Variants in DNMBP observed in about 807,000 individuals in gnomAD.
DNMBP encodes dynamin binding protein, also known as dynamin-binding protein.
Under a neutral mutation model 150.0 loss-of-function variants are expected in DNMBP, and 87 were observed. The ratio of observed to expected loss-of-function variants is 0.58; its 90% CI spans 0.49 to 0.69. DNMBP has a LOEUF of 0.69. DNMBP is among the 30% of genes least tolerant of loss of function. DNMBP has a pLI of 0.00. For missense variants in DNMBP, 1,774 were observed against 1,949.0 expected, an observed-to-expected ratio of 0.91 and a Z score of 1.69; for synonymous variants, 711 against 750.4, an observed-to-expected ratio of 0.95 and a Z score of 0.86.
intron 5 of DNMBP, 140 bp from the exon 6 acceptor site, chr10:99,908,234 C>T (rs2039851117): frequency 3.1e-6 from 2 of 637,792 alleles, no homozygotes; most frequent in Non-Finnish European, 5.5e-6. Context: ...AGTTTCCAGA[C>T]TAGAAATATC....
chr10:99,949,362 A>T (rs1228020082), intron 4 of DNMBP, among the ~76,000 whole-genome samples: 1 of 152,236 alleles, frequency 6.6e-6, no homozygotes, highest in South Asian at 2.1e-4. Context: ...TCAGAATTAG[A>T]TAAATGTTAT....
intron 4 of DNMBP, among the ~76,000 whole-genome samples, chr10:99,941,837 T>C (rs1214291221): frequency 6.6e-6 from 1 of 152,212 alleles, no homozygotes; most frequent in African/African-American, 2.4e-5. Flanking sequence ...CAAAATATGC[T>C]GAGAGCTGAG....
At chr10:99,937,433 T>C (rs1281894663) in intron 4 of DNMBP, among the ~76,000 whole-genome samples, 1 of 152,120 alleles carries the variant, frequency 6.6e-6, no homozygotes, top group Non-Finnish European at 1.5e-5. Flanking sequence ...AAAGAAACAA[T>C]CTGCGAGTGT....
chr10:99,994,349 A>C (rs75772104), intron 1 of DNMBP, among the ~76,000 whole-genome samples: 5 of 152,210 alleles, frequency 3.3e-5, no homozygotes, highest in African/African-American at 1.2e-4. Context: ...CAAATGGTAC[A>C]TACAGTACTC....
chr10:99,951,188 T>G (rs1211635434), intron 4 of DNMBP, among the ~76,000 whole-genome samples: 3 of 152,128 alleles, frequency 2.0e-5, no homozygotes, highest in Non-Finnish European at 4.4e-5. Context: ...AGCCTGCGGG[T>G]GCACAGAAGA....
intron 4 of DNMBP, 132 bp from the exon 5 acceptor site, chr10:99,909,278 G>T (rs1037815748): frequency 1.4e-6 from 1 of 690,834 alleles, no homozygotes; most frequent in Non-Finnish European, 2.4e-6. Flanking sequence ...AAATCAGATC[G>T]CACATGTCAG....
At chr10:99,980,956 AG>A (rs1004508141) in intron 1 of DNMBP, among the ~76,000 whole-genome samples, 10 of 152,300 alleles carry the variant, frequency 6.6e-5, no homozygotes, top group African/African-American at 1.7e-4. Flanking sequence ...ATAGGGAGTT[AG>A]TATGTAATGG....
chr10:99,902,906 CAG>C (rs988636556), intron 6 of DNMBP, among the ~76,000 whole-genome samples: 2 of 148,904 alleles, frequency 1.3e-5, no homozygotes, highest in African/African-American at 5.0e-5. Context: ...CCAGCCTGGG[CAG>C]AGAGCAAGAT....
intron 11 of DNMBP, among the ~76,000 whole-genome samples, chr10:99,890,744 T>A (rs1252027549): frequency 6.6e-6 from 1 of 152,132 alleles, no homozygotes; most frequent in African/African-American, 2.4e-5. Context: ...CCTCCCGGCG[T>A]CAAGCAATTC....
At position 99,972,308 on chromosome 10, in the gene DNMBP, C is replaced by T. The variant is rs983199066; in HGVS notation, c.-10-174G>A. Among the ~76,000 whole-genome samples, 19 of 151,648 alleles carry T rather than the reference C, an allele frequency of 1.3e-4. No individual in the cohort carries two copies. The East Asian group carries it at 2.5e-3, about 20-fold the overall frequency. ...TTTTGAGACAGGGTCTCACTCCCAT[C>T]GCCCAGGCTGGAGTGCAGTGGAGCA... On this transcript the variant is annotated intron_variant, in intron 1 of 16. Transcript: ENST00000324109.
chr10:99,946,514 A>C (rs7074019), intron 4 of DNMBP, among the ~76,000 whole-genome samples: 70,802 of 152,010 alleles, frequency 0.47, 17,468 homozygotes, highest in African/African-American at 0.63. Context: ...CAATGGGGAA[A>C]GAATTCTCTA....
intron 4 of DNMBP, among the ~76,000 whole-genome samples, chr10:99,938,774 GAA>G (rs1417236891): frequency 6.6e-6 from 1 of 152,194 alleles, no homozygotes; most frequent in Non-Finnish European, 1.5e-5. Context: ...TGTGTACAGA[GAA>G]AGTGGCCGAG....
intron 8 of DNMBP, 83 bp from the exon 9 acceptor site, chr10:99,898,368 A>G: frequency 8.3e-7 from 1 of 1,207,750 alleles, no homozygotes; most frequent in Non-Finnish European, 1.2e-6. Context: ...CCCACCTTAA[A>G]AAAAACTTTT....
Position 99,886,448 on chromosome 10 carries a change from T to C in DNMBP, c.3470A>G (p.Tyr1157Cys), listed in dbSNP as rs202021702. ...CAGCAGCTGTGCATTCAGGGCCTCA[T>C]AGTTGTTCCGGGCCGACTGCAGCTC... Reference protein sequence around the residue: ...LEELQSARNNYEALNAQLLDE... With the variant: ...LEELQSARNNCEALNAQLLDE... Residue 1157 changes from tyrosine to cysteine, a missense_variant, in exon 13 of 17, where the codon TAT becomes TGT. By Grantham distance (194) the Tyr-to-Cys change is radical (BLOSUM62 -2). Transcript: ENST00000324109. 24 of 1,614,090 alleles carry C rather than the reference T, an allele frequency of 1.5e-5. No homozygotes were observed. Among genetic ancestry groups the C allele is most frequent in the African/African-American group, 1.3e-5 (1 of 74,936 alleles).
At chr10:99,886,124 A>G (rs1457563040) in intron 13 of DNMBP, among the ~76,000 whole-genome samples, 176 bp downstream of exon 13, 1 of 152,224 alleles carries the variant, frequency 6.6e-6, no homozygotes, top group Non-Finnish European at 1.5e-5. Context: ...AAGATGTTTC[A>G]GAAGCCACAG....
chr10:99,897,595 C>T (rs1328248845), intron 9 of DNMBP, among the ~76,000 whole-genome samples: 1 of 152,110 alleles, frequency 6.6e-6, no homozygotes, highest in African/African-American at 2.4e-5. Context: ...GCCTTATTTC[C>T]AATATACCAT....
chr10:99,967,699 G>GT (rs10674909), intron 3 of DNMBP, among the ~76,000 whole-genome samples: 433 of 145,626 alleles, frequency 3.0e-3, no homozygotes, highest in East Asian at 7.2e-3. Context: ...GTGTGTGTGT[G>GT]GGTATGTGTG....
chr10:99,957,326 T>G (rs1268405057), intron 3 of DNMBP, 121 bp from the exon 4 acceptor site: 4 of 844,426 alleles, frequency 4.7e-6, no homozygotes, highest in Non-Finnish European at 5.4e-6. Context: ...CACCTAGAGC[T>G]TTAGGAGCAT....
chr10:99,968,268 C>A (rs2040640060), intron 3 of DNMBP, among the ~76,000 whole-genome samples: 1 of 152,142 alleles, frequency 6.6e-6, no homozygotes, highest in African/African-American at 2.4e-5. Flanking sequence ...ATTTCCACAT[C>A]AAAATTCCTG....
Sources: gnomAD v4.1 joint callset for allele counts (sites outside exome capture counted in the v4.1 genomes callset) on GRCh38, gnomAD v4.1.1 for gene constraint, MANE v1.5 for transcripts, NCBI Gene and HGNC (gene_info 2026-07-23, HGNC 2026-07-21) for gene names.